SPOCK3: variants seen among roughly 807,000 people sequenced by gnomAD.
SPOCK3 encodes testican-3.
In SPOCK3, 30 loss-of-function variants were observed where a neutral mutation model predicts 56.6. That is an observed-to-expected ratio of 0.53 (90% confidence interval 0.40 to 0.72). SPOCK3 has a LOEUF of 0.72. Ranked by LOEUF, SPOCK3 falls within the 30% of genes least tolerant of loss-of-function variation. The pLI is 0.00. For synonymous variants in SPOCK3, 196 were observed against 183.3 expected, an observed-to-expected ratio of 1.07 and a Z score of -0.56; for missense variants, 527 against 530.0, an observed-to-expected ratio of 0.99 and a Z score of 0.06.
chr4:166,980,855 T>C (rs1746496301), intron 4 of SPOCK3, among the ~76,000 whole-genome samples: 1 of 152,202 alleles, frequency 6.6e-6, no homozygotes, highest in Non-Finnish European at 1.5e-5. Context: ...GGCCCCTAAA[T>C]CTGGGCTCCC....
chr4:167,103,243 T>C (rs1350751503), intron 2 of SPOCK3, among the ~76,000 whole-genome samples: 2 of 152,062 alleles, frequency 1.3e-5, no homozygotes, highest in Non-Finnish European at 2.9e-5. Context: ...TTTTGAGAAA[T>C]GCTGGCTTCA....
intron 6 of SPOCK3, among the ~76,000 whole-genome samples, chr4:166,809,748 T>C (rs1157715875): frequency 6.6e-6 from 1 of 152,100 alleles, no homozygotes; most frequent in African/African-American, 2.4e-5. Flanking sequence ...TGGAGATGAT[T>C]GGGCACCAAT....
chr4:167,174,343 T>A (rs1335756574), intron 2 of SPOCK3, among the ~76,000 whole-genome samples: 1 of 151,848 alleles, frequency 6.6e-6, no homozygotes, highest in Non-Finnish European at 1.5e-5. Flanking sequence ...CTTATAAAAA[T>A]GCATTTTAAG....
intron 2 of SPOCK3, among the ~76,000 whole-genome samples, chr4:167,154,019 C>T (rs1037670716): frequency 6.6e-6 from 1 of 152,090 alleles, no homozygotes; most frequent in Non-Finnish European, 1.5e-5. Flanking sequence ...CTAGTTTTTG[C>T]TCTCTCTGTT....
chr4:166,843,457 A>T (rs1004803644), intron 6 of SPOCK3, among the ~76,000 whole-genome samples: 1 of 152,226 alleles, frequency 6.6e-6, no homozygotes, highest in Admixed American at 6.5e-5. Context: ...TTTGGACCTC[A>T]CCTAATAGTG....
At chr4:167,119,854 A>T in intron 2 of SPOCK3, 1 of 1,529,698 alleles carries the variant, frequency 6.5e-7, no homozygotes. Flanking sequence ...CTGTCCTGTC[A>T]AATAATCGTT....
At chr4:166,945,306 A>G (rs1290160736) in intron 4 of SPOCK3, among the ~76,000 whole-genome samples, 1 of 152,180 alleles carries the variant, frequency 6.6e-6, no homozygotes, top group Non-Finnish European at 1.5e-5. Context: ...ATACATATAA[A>G]TACCTATATT....
intron 4 of SPOCK3, among the ~76,000 whole-genome samples, chr4:166,932,975 TAAG>T (rs1298830529): frequency 2.0e-5 from 3 of 152,312 alleles, no homozygotes; most frequent in East Asian, 1.9e-4. Context: ...ATACTTGTAA[TAAG>T]AATCCTAGTA....
chr4:167,182,551 T>C (rs564144496), intron 2 of SPOCK3, among the ~76,000 whole-genome samples: 3 of 152,190 alleles, frequency 2.0e-5, no homozygotes, highest in African/African-American at 7.2e-5. Context: ...ATGTTCTTTT[T>C]TTTTTTCAAG....
intron 4 of SPOCK3, among the ~76,000 whole-genome samples, chr4:166,918,115 A>G (rs1738077555): frequency 6.6e-6 from 1 of 152,150 alleles, no homozygotes; most frequent in Non-Finnish European, 1.5e-5. Flanking sequence ...ATTGGTCATA[A>G]CTTTTCAGGA....
intron 7 of SPOCK3, among the ~76,000 whole-genome samples, chr4:166,763,162 C>G (rs910594555): frequency 6.6e-6 from 1 of 151,260 alleles, no homozygotes. Flanking sequence ...AGTAGCCAGA[C>G]AAATACTGAA....
At chr4:166,896,989 T>TC (rs1735457368) in intron 5 of SPOCK3, among the ~76,000 whole-genome samples, 1 of 151,836 alleles carries the variant, frequency 6.6e-6, no homozygotes, top group Non-Finnish European at 1.5e-5. Context: ...AACTTTTTTT[T>TC]CCCCCATAGC....
chr4:167,179,665 A>C (rs764168770), intron 2 of SPOCK3, among the ~76,000 whole-genome samples: 4 of 152,144 alleles, frequency 2.6e-5, no homozygotes, highest in African/African-American at 7.2e-5. Context: ...TAACCTTCTA[A>C]AGAAGTAGAC....
In SPOCK3 at chr4:166,805,218, C is replaced by A. The variant is rs150560188; in HGVS notation, c.590-12929G>T. 2.7e-3 allele frequency among the ~76,000 whole-genome samples: 408 copies of A among 151,970 alleles called. 3 individuals carry two copies. The highest frequency in any genetic ancestry group is 9.1e-3 in the African/African-American group (379 of 41,480). On this transcript the variant is annotated intron_variant, in intron 6 of 10. Transcript: ENST00000357545. ...AGAAGTACACTGATAATAAACAGAT[C>A]TCTAAAATTATTGGATGGATGGCTG...
At chr4:166,881,976 T>G (rs752822987) in intron 6 of SPOCK3, among the ~76,000 whole-genome samples, 9 of 152,180 alleles carry the variant, frequency 5.9e-5, no homozygotes, top group Admixed American at 1.3e-4. Flanking sequence ...CTGTTGAATA[T>G]GTGGTAGATC....
chr4:167,056,234 G>C (rs1326744945), intron 3 of SPOCK3, among the ~76,000 whole-genome samples: 2 of 152,208 alleles, frequency 1.3e-5, no homozygotes, highest in African/African-American at 4.8e-5. Context: ...CAGATCTGCA[G>C]CTGAGGGTCC....
intron 2 of SPOCK3, among the ~76,000 whole-genome samples, chr4:167,180,202 AC>A (rs1731327535): frequency 6.6e-6 from 1 of 152,136 alleles, no homozygotes; most frequent in African/African-American, 2.4e-5. Flanking sequence ...AAAAACAGTA[AC>A]CACTCAGGGT....
At chr4:166,841,151 T>C (rs1473024002) in intron 6 of SPOCK3, among the ~76,000 whole-genome samples, 1 of 152,152 alleles carries the variant, frequency 6.6e-6, no homozygotes, top group African/African-American at 2.4e-5. Flanking sequence ...GTTGTGGGTC[T>C]GAAGTTTACC....
intron 2 of SPOCK3, among the ~76,000 whole-genome samples, chr4:167,199,295 T>C: frequency 6.6e-6 from 1 of 151,618 alleles, no homozygotes; most frequent in East Asian, 1.9e-4. Flanking sequence ...CAGACACCTC[T>C]TCAGGTATCT....
Sources: gnomAD v4.1 joint callset for allele counts (sites outside exome capture counted in the v4.1 genomes callset) on GRCh38, gnomAD v4.1.1 for gene constraint, MANE v1.5 for transcripts, NCBI Gene and HGNC (gene_info 2026-07-23, HGNC 2026-07-21) for gene names.